The following LRRC8E variants were observed in gnomAD, a reference collection of about 807,000 sequenced individuals.
LRRC8E encodes the protein leucine rich repeat containing 8 VRAC subunit E.
In LRRC8E, 6 loss-of-function variants were observed where a neutral mutation model predicts 6.1. The ratio of observed to expected loss-of-function variants is 0.98; its 90% confidence interval spans 0.54 to 1.93. The LOEUF (loss-of-function observed/expected upper bound fraction) is 1.93, where lower values mean the gene tolerates loss of function less well. Among genes scored for constraint, LRRC8E ranks in the 30% most tolerant of loss-of-function variants. The pLI is 0.01. For missense variants in LRRC8E, 1,028 were observed against 1,031.4 expected (o/e 1.00, Z 0.04); for synonymous variants, 485 against 472.8 (o/e 1.03, Z -0.33).
At position 7,896,573 on chromosome 19, in the gene LRRC8E, T is replaced by TA. The variant is rs929281311; in HGVS notation, c.138+840dup. Among the ~76,000 whole-genome samples, 144 of 150,242 alleles carry TA rather than the reference T, an allele frequency of 9.6e-4. 1 individual carries two copies. Among genetic ancestry groups the TA allele is most frequent in the African/African-American group, 2.8e-3 (116 of 41,034 alleles). On this transcript the variant is annotated intron_variant, in intron 2 of 2. Transcript: ENST00000306708. The stretch of plus-strand genomic sequence containing the variant: ...TGGGTGACAGAACGAGACTCCATCT[T>TA]AAAAAAAATAAAATAAAATAATTGA...
Position 7,898,995 on chromosome 19 carries a change from ACT to A in LRRC8E, c.477_478del (p.Pro160MetfsTer42), listed in dbSNP as rs1981767041. The A allele has an allele frequency of 6.2e-7, 1 of 1,613,448 alleles. No individual in the cohort carries two copies. Among genetic ancestry groups the A allele is most frequent in the African/African-American group, 1.3e-5 (1 of 74,752 alleles). Reference sequence around the variant, plus strand: ...ATCTCCATCCTGGGCAAGTGTTTCGACTCTCCATGGACCACCAGGGCCCTATC... The same window carrying A: ...ATCTCCATCCTGGGCAAGTGTTTCGACTCCATGGACCACCAGGGCCCTATC... On this transcript the variant is annotated frameshift_variant, in exon 3 of 3. Transcript: ENST00000306708. LOFTEE classifies it low-confidence loss of function (END_TRUNC).
In LRRC8E at chr19:7,899,084, G is replaced by C; in HGVS notation, c.562G>C (p.Val188Leu). ...CACCGAACGGGCTGCGGCCACCATA[G>C]TGGCCATGGCAGGGACCGGGCCGGG... ...AATERAAATI[V>L]AMAGTGPGKA... The change falls in exon 3 of 3, where the codon GTG becomes CTG. Residue 188 changes from valine (V) to leucine (L), a missense_variant. Val to Leu is a conservative substitution (Grantham distance 32). Transcript: ENST00000306708. 1 of 1,613,020 alleles carries C rather than the reference G, an allele frequency of 6.2e-7. No homozygotes were observed. Among genetic ancestry groups the C allele is most frequent in the South Asian group, 1.1e-5 (1 of 91,072 alleles).
Position 7,899,663 on chromosome 19 carries a change from T to G in LRRC8E, c.1141T>G (p.Phe381Val). The stretch of plus-strand genomic sequence containing the variant: ...GTACGACTCCCTCTACTCCAAGCGC[T>G]TCGCCGTCTTCCTGTCCGAGGTCAG... ...DQYDSLYSKRFAVFLSEVSES... is the reference protein window; with the variant it reads ...DQYDSLYSKRVAVFLSEVSES... Residue 381 changes from phenylalanine to valine, a missense_variant, in exon 3 of 3, where the codon TTC becomes GTC. Transcript: ENST00000306708. 4 of 1,613,718 alleles carry G rather than the reference T, an allele frequency of 2.5e-6. No individual in the cohort carries two copies. The highest frequency in any genetic ancestry group is 3.4e-6 in the Non-Finnish European group (4 of 1,180,028).
In LRRC8E at chr19:7,895,305, C is replaced by T. The variant is rs545234910; in HGVS notation, c.-5-294C>T. The T allele has an allele frequency of 4.2e-5, 13 of 308,218 alleles. No individual in the cohort carries two copies. The highest frequency in any genetic ancestry group is 7.5e-5 in the South Asian group (1 of 13,290). 19.1% of individuals were successfully genotyped at this position (308,218 alleles called of 1,614,324 possible). On this transcript the variant is annotated intron_variant, in intron 1 of 2. Transcript: ENST00000306708. This position sits in a 1 kb window ranked among gnomAD's most constrained non-coding sequence, Gnocchi z 4.7. ...GCCACCCGAGGAGGCTGGAGGGCGG[C>T]GGCCCTGTGGACTATCCCTCATGTG... is the stretch of plus-strand genomic sequence containing the variant.
In LRRC8E at chr19:7,899,657, A is replaced by G; in HGVS notation, c.1135A>G (p.Lys379Glu). 6.2e-7 allele frequency: 1 copy of G among 1,613,674 alleles called. No individual in the cohort carries two copies. The highest frequency in any genetic ancestry group is 1.3e-5 in the African/African-American group (1 of 75,046). The stretch of plus-strand genomic sequence containing the variant: ...CGATCAGTACGACTCCCTCTACTCC[A>G]AGCGCTTCGCCGTCTTCCTGTCCGA... ...LIDQYDSLYS[K>E]RFAVFLSEVS... Residue 379 changes from lysine to glutamate, a missense_variant, in exon 3 of 3, where the codon AAG (lysine) becomes GAG (glutamate). Transcript: ENST00000306708.
intron 1 of LRRC8E, among the ~76,000 whole-genome samples, chr19:7,893,404 G>A (rs1010144920): frequency 6.6e-6 from 1 of 151,994 alleles, no homozygotes; most frequent in Non-Finnish European, 1.5e-5. Context: ...GCCTCCCAAA[G>A]TATACTTGGC....
Position 7,898,730 on chromosome 19 carries a change from C to T in LRRC8E, c.208C>T (p.Gln70Ter), listed in dbSNP as rs2145110041. Residue 70 changes from glutamine to a stop codon, truncating the protein, a stop_gained, in exon 3 of 3, where the codon CAG becomes TAG. Coordinates refer to ENST00000306708, the MANE Select transcript of LRRC8E (RefSeq NM_025061.6). LOFTEE classifies it low-confidence loss of function (END_TRUNC). ...LQENLSEAPCQQLLPRGIPEQ... is the reference protein window; with the variant it reads ...LQENLSEAPC ...GGAGAACTTATCAGAGGCCCCGTGC[C>T]AGCAATTGCTGCCTCGGGGGATCCC... 6.2e-7 allele frequency: 1 copy of T among 1,613,968 alleles called. No homozygotes were observed. The highest frequency in any genetic ancestry group is 1.1e-5 in the South Asian group (1 of 91,072).
Position 7,900,796 on chromosome 19 carries a change from G to C in LRRC8E, c.2274G>C (p.Glu758Asp). 2.5e-6 allele frequency: 4 copies of C among 1,601,864 alleles called. No individual in the cohort carries two copies. The highest frequency in any genetic ancestry group is 3.4e-6 in the Non-Finnish European group (4 of 1,173,040). ...SRLELKGNRL[E>D]ALPEELGNCG... is the part of the protein sequence containing the mutation. ...TGGAGCTCAAAGGCAACCGCTTAGA[G>C]GCGCTGCCAGAAGAACTTGGCAACT... Residue 758 changes from glutamate (E) to aspartate (D), a missense_variant, in exon 3 of 3, where the codon GAG (glutamate) becomes GAC (aspartate). Coordinates refer to ENST00000306708, the MANE Select transcript of LRRC8E (RefSeq NM_025061.6). The surrounding 1 kb of genome is among the most constrained non-coding windows in gnomAD (Gnocchi z 5.0).
chr19:7,898,643 T>C lies in LRRC8E; in HGVS notation c.139-18T>C. The C allele has an allele frequency of 6.3e-7, 1 of 1,579,540 alleles. No homozygotes were observed. Among genetic ancestry groups the C allele is most frequent in the Non-Finnish European group, 8.6e-7 (1 of 1,160,080 alleles). On this transcript the variant is annotated intron_variant, in intron 2 of 2. Transcript: ENST00000306708. ...CAAAGTGCTAGGATTACAGCCCTCA[T>C]TCTCTTTTGCTCCTCAGGTGACACA...
In LRRC8E at chr19:7,899,640, A is replaced by C; in HGVS notation, c.1118A>C (p.Tyr373Ser). Residue 373 changes from tyrosine (Y) to serine (S), a missense_variant, in exon 3 of 3, where the codon TAC (tyrosine) becomes TCC (serine). Physicochemically the swap from Tyr to Ser is moderately radical, Grantham distance 144. Coordinates refer to ENST00000306708, the MANE Select transcript of LRRC8E (RefSeq NM_025061.6). ...TTCATGCTGCACCTCATCGATCAGT[A>C]CGACTCCCTCTACTCCAAGCGCTTC... ...FAFMLHLIDQ[Y>S]DSLYSKRFAV... The C allele has an allele frequency of 6.2e-7, 1 of 1,613,700 alleles. No homozygotes were observed. The highest frequency in any genetic ancestry group is 8.5e-7 in the Non-Finnish European group (1 of 1,180,026).
chr19:7,900,315 C>A lies in LRRC8E; in HGVS notation c.1793C>A (p.Pro598His). ...GTGGCCTGCGGGCTGGAGCGCATCC[C>A]CCATGCAGTGTTCAGCCTGGGTGCG... ...ELVACGLERI[P>H]HAVFSLGALQ... The change falls in exon 3 of 3, where the codon CCC becomes CAC. Residue 598 changes from proline to histidine, a missense_variant. Pro to His is a moderately conservative substitution (Grantham distance 77). Coordinates refer to ENST00000306708, the MANE Select transcript of LRRC8E (RefSeq NM_025061.6). The surrounding 1 kb of genome is among the most constrained non-coding windows in gnomAD (Gnocchi z 5.0). 6.2e-7 allele frequency: 1 copy of A among 1,613,328 alleles called. No individual in the cohort carries two copies. Among genetic ancestry groups the A allele is most frequent in the Non-Finnish European group, 8.5e-7 (1 of 1,180,016 alleles).
In LRRC8E at chr19:7,900,822, G is replaced by T. The variant is rs1228864694; in HGVS notation, c.2300G>T (p.Cys767Phe). 1 of 1,587,576 alleles carries T rather than the reference G, an allele frequency of 6.3e-7. No homozygotes were observed. The highest frequency in any genetic ancestry group is 1.8e-5 in the Admixed American group (1 of 55,950). The change falls in exon 3 of 3, where the codon TGT becomes TTT. Residue 767 changes from cysteine to phenylalanine, a missense_variant. Physicochemically the swap from Cys to Phe is radical, Grantham distance 205. Coordinates refer to ENST00000306708, the MANE Select transcript of LRRC8E (RefSeq NM_025061.6). This position sits in a 1 kb window ranked among gnomAD's most constrained non-coding sequence, Gnocchi z 5.0. ...GCGCTGCCAGAAGAACTTGGCAACT[G>T]TGGGGGGCTCAAGAAGGCGGGGCTC... ...LEALPEELGNCGGLKKAGLLV... is the reference protein window; with the variant it reads ...LEALPEELGNFGGLKKAGLLV...
intron 2 of LRRC8E, among the ~76,000 whole-genome samples, chr19:7,897,160 ATTTTTC>A (rs909184279): frequency 5.7e-5 from 8 of 140,118 alleles, no homozygotes; most frequent in African/African-American, 1.9e-4. Flanking sequence ...TTCTCCCAGT[ATTTTTC>A]TTTTTCTTTT....
chr19:7,896,855 A>C (rs1981622966), intron 2 of LRRC8E, among the ~76,000 whole-genome samples: 1 of 152,076 alleles, frequency 6.6e-6, no homozygotes, highest in African/African-American at 2.4e-5. Context: ...TCGGCCTCCC[A>C]AAGTGCTGGG....
rs565117433 is a variant in LRRC8E at position 7,895,456 on chromosome 19, G to A, written c.-5-143G>A. On this transcript the variant is annotated intron_variant, in intron 1 of 2. Transcript: ENST00000306708. This position sits in a 1 kb window ranked among gnomAD's most constrained non-coding sequence, Gnocchi z 4.7. ...CTAAGGCCAGGCTAAGAGGGAAGTG[G>A]GGGCACACACTTTGGTGGTTTGGAC... 4.4e-4 allele frequency: 426 copies of A among 971,058 alleles called. No homozygotes were observed. Among genetic ancestry groups the A allele is most frequent in the South Asian group, 9.3e-4 (60 of 64,754 alleles). The allele number at this position is 971,058 out of a possible 1,614,324, so 60.2% of individuals were successfully genotyped here. A position where few individuals can be genotyped will look rare whatever the true frequency, so the allele number is the denominator to read the frequency against.
At chr19:7,890,417 G>A (rs1406285639) in intron 1 of LRRC8E, among the ~76,000 whole-genome samples, 1 of 152,134 alleles carries the variant, frequency 6.6e-6, no homozygotes, top group Non-Finnish European at 1.5e-5. Flanking sequence ...TTGAGATAGA[G>A]TCTTGCTCTG....
chr19:7,895,752 C>T lies in LRRC8E; in HGVS notation c.138+11C>T, dbSNP rs1264258536. 3 of 1,610,706 alleles carry T rather than the reference C, an allele frequency of 1.9e-6. No homozygotes were observed. Among genetic ancestry groups the T allele is most frequent in the African/African-American group, 1.3e-5 (1 of 74,944 alleles). ...GGCTGCACCCTCCAGGTGAGGCCCTCCCCTGGCAAGGGGGTGTGACCAGAG... is the reference window on the plus strand; with the variant it reads ...GGCTGCACCCTCCAGGTGAGGCCCTTCCCTGGCAAGGGGGTGTGACCAGAG... On this transcript the variant is annotated intron_variant, in intron 2 of 2. Transcript: ENST00000306708. This position sits in a 1 kb window ranked among gnomAD's most constrained non-coding sequence, Gnocchi z 4.7.
Position 7,899,796 on chromosome 19 carries a change from T to G in LRRC8E, c.1274T>G (p.Met425Arg), listed in dbSNP as rs991000301. The G allele has an allele frequency of 1.9e-6, 3 of 1,608,564 alleles. No individual in the cohort carries two copies. Among genetic ancestry groups the G allele is most frequent in the Admixed American group, 3.3e-5 (2 of 59,996 alleles). Residue 425 changes from methionine (M) to arginine (R), a missense_variant, in exon 3 of 3, where the codon ATG (methionine) becomes AGG (arginine). By Grantham distance (91) the Met-to-Arg change is moderately conservative (BLOSUM62 -1). Coordinates refer to ENST00000306708, the MANE Select transcript of LRRC8E (RefSeq NM_025061.6). Reference protein sequence around the residue: ...AAGRLELALCMLPGLPDTVFE... With the variant: ...AAGRLELALCRLPGLPDTVFE... Reference sequence around the variant, plus strand: ...GGCCGGCTGGAGCTGGCCCTCTGCATGCTGCCGGGTCTGCCCGACACCGTC... The same window carrying G: ...GGCCGGCTGGAGCTGGCCCTCTGCAGGCTGCCGGGTCTGCCCGACACCGTC...
At chr19:7,898,477 A>G (rs1432463210) in intron 2 of LRRC8E, among the ~76,000 whole-genome samples, 184 bp from the exon 3 acceptor site, 1 of 152,032 alleles carries the variant, frequency 6.6e-6, no homozygotes, top group Non-Finnish European at 1.5e-5. Flanking sequence ...CTCCTGCCTC[A>G]GCCTCCCGAG....
Sources: gnomAD v4.1 joint callset for allele counts (sites outside exome capture counted in the v4.1 genomes callset) on GRCh38, gnomAD v4.1.1 for gene constraint, Gnocchi (gnomAD v3.1) non-coding constraint, MANE v1.5 for transcripts, NCBI Gene and HGNC (gene_info 2026-07-23, HGNC 2026-07-21) for gene names.